SMYD4: variants seen among roughly 807,000 people sequenced by gnomAD.
The protein encoded by SMYD4 is SET and MYND domain containing 4.
Under a neutral mutation model 72.8 loss-of-function variants are expected in SMYD4, and 68 were observed. The ratio of observed to expected loss-of-function variants is 0.93; its 90% CI spans 0.77 to 1.14. The LOEUF (loss-of-function observed/expected upper bound fraction) is 1.14, where lower values mean the gene tolerates loss of function less well. SMYD4 is among the 50% of genes most tolerant of loss of function. SMYD4 has a pLI of 0.00. For missense variants in SMYD4, 984 were observed against 1,003.7 expected (o/e 0.98, Z 0.27); for synonymous variants, 407 against 388.6 (o/e 1.05, Z -0.56).
intron 2 of SMYD4, among the ~76,000 whole-genome samples, chr17:1,817,581 G>C (rs572632019): frequency 6.6e-6 from 1 of 152,004 alleles, no homozygotes; most frequent in South Asian, 2.1e-4. Context: ...TGATCCTTCC[G>C]CCTTGGCCTC....
chr17:1,788,676 A>G (rs1168240580), intron 5 of SMYD4, among the ~76,000 whole-genome samples: 2 of 152,106 alleles, frequency 1.3e-5, no homozygotes, highest in East Asian at 3.9e-4. Flanking sequence ...ACCCCTGAGG[A>G]CGTTGCAGTG....
chr17:1,798,589 C>T (rs1909530576), intron 5 of SMYD4, among the ~76,000 whole-genome samples: 1 of 151,660 alleles, frequency 6.6e-6, no homozygotes, highest in Admixed American at 6.6e-5. Context: ...ATAGCAAGTC[C>T]TCATCTCTAT....
In SMYD4 at chr17:1,780,978, GGAGCGATCTC is replaced by G. The variant is rs1908333050; in HGVS notation, c.*298_*307del. 3 of 209,048 alleles carry G rather than the reference GGAGCGATCTC, an allele frequency of 1.4e-5. No homozygotes were observed. The South Asian group carries it at 2.2e-4, about 15-fold the overall frequency. 12.9% of individuals were successfully genotyped at this position (209,048 alleles called of 1,614,324 possible). On this transcript the variant is annotated 3_prime_UTR_variant, in exon 11 of 11. Transcript: ENST00000305513. Reference sequence around the variant, plus strand: ...ACTGTCACCTGGGCTGGAGTGCAGTGGAGCGATCTCGGCTCACTGCAACCTCCGCCTCCTG... The same window carrying G: ...ACTGTCACCTGGGCTGGAGTGCAGTGGGCTCACTGCAACCTCCGCCTCCTG...
intron 8 of SMYD4, among the ~76,000 whole-genome samples, chr17:1,784,073 A>T (rs1190285289): frequency 6.6e-6 from 1 of 152,252 alleles, no homozygotes; most frequent in Non-Finnish European, 1.5e-5. Flanking sequence ...GTTAGTTGGC[A>T]GGGGTACTTC....
chr17:1,785,852 T>C (rs1908660368), intron 7 of SMYD4, among the ~76,000 whole-genome samples: 2 of 152,020 alleles, frequency 1.3e-5, no homozygotes. Context: ...CAAGTTTAGC[T>C]TTCTAACACA....
intron 10 of SMYD4, chr17:1,782,411 G>T (rs1908413547): frequency 6.6e-6 from 1 of 150,586 alleles, no homozygotes; most frequent in Admixed American, 6.7e-5. Flanking sequence ...CCCAGGAGTT[G>T]CAGGAAGCAG....
chr17:1,798,262 C>T (rs1909513149), intron 5 of SMYD4, among the ~76,000 whole-genome samples: 1 of 151,686 alleles, frequency 6.6e-6, no homozygotes, highest in Non-Finnish European at 1.5e-5. Context: ...TCCCAAGTGG[C>T]TGGGATTAGA....
intron 2 of SMYD4, among the ~76,000 whole-genome samples, chr17:1,821,561 G>A (rs1423687237): frequency 6.6e-6 from 1 of 152,002 alleles, no homozygotes. Context: ...GAGTTGGGAA[G>A]AAGAGAGCAA....
At chr17:1,818,646 T>C (rs1408381618) in intron 2 of SMYD4, among the ~76,000 whole-genome samples, 1 of 152,130 alleles carries the variant, frequency 6.6e-6, no homozygotes, top group Non-Finnish European at 1.5e-5. Context: ...GATAGTGGTA[T>C]AATTTTTAAA....
chr17:1,798,741 C>T (rs145456092), intron 5 of SMYD4, among the ~76,000 whole-genome samples: 2 of 151,910 alleles, frequency 1.3e-5, no homozygotes, highest in Admixed American at 6.6e-5. Context: ...CTACTAACAA[C>T]ACAAAAAAAT....
At position 1,799,859 on chromosome 17, in the gene SMYD4, G is replaced by A. The variant is rs148331960; in HGVS notation, c.1535C>T (p.Thr512Ile). ...NAQAMTTIQHTGPKGSIVTDS... is the reference protein window; with the variant it reads ...NAQAMTTIQHIGPKGSIVTDS... Reference sequence around the variant, plus strand: ...AGGAACATCAGGTTCCCTCTTACCTGTGTGTTGTATGGTGGTCATCGCCTG... The same window carrying A: ...AGGAACATCAGGTTCCCTCTTACCTATGTGTTGTATGGTGGTCATCGCCTG... The change falls in exon 5 of 11, where the codon ACA becomes ATA. Residue 512 changes from threonine to isoleucine, a missense_variant and splice_region_variant. Physicochemically the swap from Thr to Ile is moderately conservative, Grantham distance 89 (BLOSUM62 -1). Coordinates refer to ENST00000305513, the MANE Select transcript of SMYD4 (RefSeq NM_052928.3). 97 of 1,583,784 alleles carry A rather than the reference G, an allele frequency of 6.1e-5. No homozygotes were observed. The African/African-American group carries it at 1.2e-3, about 20-fold the overall frequency.
chr17:1,788,401 TATTA>T (rs1402951160), intron 5 of SMYD4, among the ~76,000 whole-genome samples: 1 of 152,112 alleles, frequency 6.6e-6, no homozygotes, highest in Non-Finnish European at 1.5e-5. Context: ...TTGTAACATT[TATTA>T]TTTTTTTCTT....
At chr17:1,794,051 A>ATG (rs1430429888) in intron 5 of SMYD4, among the ~76,000 whole-genome samples, 1 of 77,438 alleles carries the variant, frequency 1.3e-5, no homozygotes, top group African/African-American at 6.2e-5. Context: ...GTATATATAT[A>ATG]TGTGTGTATA....
intron 4 of SMYD4, 52 bp from the exon 5 acceptor site, chr17:1,801,076 G>A: frequency 6.7e-7 from 1 of 1,491,140 alleles, no homozygotes; most frequent in South Asian, 1.3e-5. Context: ...ATTCTTCAAT[G>A]TTTACTGAAA....
chr17:1,794,105 A>ATAT (rs1291818005), intron 5 of SMYD4, among the ~76,000 whole-genome samples: 11 of 12,996 alleles, frequency 8.5e-4, no homozygotes, highest in South Asian at 2.3e-3. Flanking sequence ...ATATATATAT[A>ATAT]TTTTTTTTTT....
chr17:1,829,875 G>A lies in SMYD4; in HGVS notation c.-162C>T, dbSNP rs761166409. On this transcript the variant is annotated 5_prime_UTR_variant, in exon 1 of 11. Coordinates refer to ENST00000305513, the MANE Select transcript of SMYD4 (RefSeq NM_052928.3). ...CGCCCCGCACCGCGTCCGGCGTCCC[G>A]CGCCAGGCCTCGCTTGGGACCATGG... is the stretch of plus-strand genomic sequence containing the variant. The A allele has an allele frequency of 2.6e-6, 1 of 382,212 alleles. No homozygotes were observed. The highest frequency in any genetic ancestry group is 4.4e-6 in the Non-Finnish European group (1 of 227,526). The allele number at this position is 382,212 out of a possible 1,614,324, so 23.7% of individuals were successfully genotyped here. A position where few individuals can be genotyped will look rare whatever the true frequency, so the allele number is the denominator to read the frequency against.
intron 5 of SMYD4, among the ~76,000 whole-genome samples, chr17:1,793,746 G>A (rs1237511992): frequency 6.6e-6 from 1 of 151,658 alleles, no homozygotes; most frequent in African/African-American, 2.4e-5. Flanking sequence ...AGGCTCTGAG[G>A]CTTATCCAGT....
At chr17:1,786,588 T>G (rs1390950555) in intron 7 of SMYD4, among the ~76,000 whole-genome samples, 6 of 152,180 alleles carry the variant, frequency 3.9e-5, no homozygotes. Flanking sequence ...CCAGTTCAGA[T>G]GGGATCTTCT....
At chr17:1,793,826 A>T (rs1214214794) in intron 5 of SMYD4, among the ~76,000 whole-genome samples, 1 of 147,692 alleles carries the variant, frequency 6.8e-6, no homozygotes, top group Non-Finnish European at 1.5e-5. Context: ...CTCTCAGTGC[A>T]GTGTTTTTTT....
Sources: allele counts gnomAD v4.1 joint callset (sites outside exome capture counted in the v4.1 genomes callset), GRCh38; gene constraint gnomAD v4.1.1; transcripts MANE v1.5; gene names NCBI Gene and HGNC (gene_info 2026-07-23, HGNC 2026-07-21).